Variants in PDK1 observed in about 807,000 individuals in gnomAD.
PDK1 encodes [Pyruvate dehydrogenase (acetyl-transferring)] kinase isozyme 1, mitochondrial.
Under a neutral mutation model 54.2 loss-of-function variants are expected in PDK1, and 39 were observed. The observed-to-expected ratio is 0.72, with a 90% confidence interval of 0.56 to 0.94. The LOEUF is 0.94. Among genes scored for constraint, PDK1 ranks in the 40% least tolerant of loss-of-function variants. The pLI, the probability that PDK1 is intolerant of heterozygous loss-of-function variation, is 0.00. For missense variants in PDK1, 552 were observed against 566.0 expected (o/e 0.98, Z 0.25); for synonymous variants, 221 against 207.1 (o/e 1.07, Z -0.58).
the PDK1 span, among the ~76,000 whole-genome samples, chr2:172,695,318 G>A: frequency 2.0e-5 from 3 of 152,138 alleles, no homozygotes; most frequent in Admixed American, 6.5e-5. Flanking sequence ...GGAAGAGAGC[G>A]AGACAGAAGA....
chr2:172,638,788 A>G, the PDK1 span, among the ~76,000 whole-genome samples: 1 of 152,214 alleles, frequency 6.6e-6, no homozygotes, highest in East Asian at 1.9e-4. Flanking sequence ...AGGATTGTAA[A>G]TGCACCAATC....
At chr2:172,582,952 A>T (rs1384965446) in intron 8 of PDK1, among the ~76,000 whole-genome samples, 1 of 152,128 alleles carries the variant, frequency 6.6e-6, no homozygotes, top group African/African-American at 2.4e-5. Context: ...GCTGGAAATG[A>T]CTTCTTATTT....
chr2:172,695,891 G>A, the PDK1 span, among the ~76,000 whole-genome samples: 1 of 152,130 alleles, frequency 6.6e-6, no homozygotes, highest in Admixed American at 6.5e-5. Context: ...GCTTAGAAGA[G>A]GCTGGGTGTG....
chr2:172,558,369 G>C (rs1688466346), intron 1 of PDK1: 1 of 190,274 alleles, frequency 5.3e-6, no homozygotes, highest in African/African-American at 2.3e-5. Flanking sequence ...AGGTTCTGCT[G>C]TTAATTTTAT....
At chr2:172,584,645 CT>C (rs35773197) in intron 8 of PDK1, among the ~76,000 whole-genome samples, 13,811 of 90,322 alleles carry the variant, frequency 0.15, 938 homozygotes, top group African/African-American at 0.25. Flanking sequence ...AAGGTACATG[CT>C]TTTTTTTTTT....
chr2:172,633,410 A>G, the PDK1 span, among the ~76,000 whole-genome samples: 18 of 66,660 alleles, frequency 2.7e-4, no homozygotes, highest in African/African-American at 1.0e-3. Context: ...TTTTTGGTCC[A>G]TTTTCTTGAC....
At chr2:172,710,624 G>A in the PDK1 span, among the ~76,000 whole-genome samples, 1 of 152,200 alleles carries the variant, frequency 6.6e-6, no homozygotes, top group Admixed American at 6.5e-5. Flanking sequence ...ACTGGGCAAA[G>A]CAAGGACTGG....
intron 9 of PDK1, among the ~76,000 whole-genome samples, chr2:172,589,637 G>A (rs761247563): frequency 5.3e-5 from 8 of 152,160 alleles, no homozygotes; most frequent in Admixed American, 2.6e-4. Context: ...TGATTTGTAC[G>A]GGCAAACAGA....
the PDK1 span, among the ~76,000 whole-genome samples, chr2:172,703,766 CTTTTTT>C: frequency 2.1e-4 from 19 of 89,116 alleles, no homozygotes; most frequent in South Asian, 9.6e-4. Context: ...TTCTTTCTTT[CTTTTTT>C]TTTTTTTTTT....
At chr2:172,696,780 A>G in the PDK1 span, among the ~76,000 whole-genome samples, 2 of 152,148 alleles carry the variant, frequency 1.3e-5, no homozygotes, top group African/African-American at 2.4e-5. Flanking sequence ...AAGGAATCCT[A>G]TGAAGTTTCT....
chr2:172,648,008 G>A, the PDK1 span, among the ~76,000 whole-genome samples: 2 of 152,110 alleles, frequency 1.3e-5, no homozygotes, highest in Non-Finnish European at 2.9e-5. Flanking sequence ...CTAAATTGAG[G>A]TACTGAACAG....
the PDK1 span, among the ~76,000 whole-genome samples, chr2:172,655,220 A>G: frequency 5.3e-5 from 8 of 152,212 alleles, no homozygotes; most frequent in Admixed American, 1.3e-4. Flanking sequence ...GATGAGGCCC[A>G]TGGGCTCTGC....
upstream of PDK1, chr2:172,555,870 CG>C: frequency 3.3e-6 from 1 of 305,718 alleles, no homozygotes; most frequent in Non-Finnish European, 6.0e-6. Flanking sequence ...GCGGCGGCTG[CG>C]GCCTGGCGCG....
chr2:172,595,020 T>C (rs1360390556), intron 10 of PDK1, among the ~76,000 whole-genome samples: 3 of 152,170 alleles, frequency 2.0e-5, no homozygotes, highest in Non-Finnish European at 4.4e-5. Flanking sequence ...AAAGCTAAGA[T>C]GCCTTAGACA....
the PDK1 span, among the ~76,000 whole-genome samples, chr2:172,638,568 G>C: frequency 6.6e-6 from 1 of 152,170 alleles, no homozygotes; most frequent in Admixed American, 6.5e-5. Context: ...ATAAAACTAG[G>C]AAATATCTAT....
the PDK1 span, among the ~76,000 whole-genome samples, chr2:172,690,927 A>T: frequency 2.7e-5 from 4 of 150,096 alleles, no homozygotes; most frequent in African/African-American, 4.8e-5. Flanking sequence ...GCAAACCAAG[A>T]TGGCACATGT....
chr2:172,563,086 A>T (rs1450155078), intron 3 of PDK1, among the ~76,000 whole-genome samples: 1 of 152,218 alleles, frequency 6.6e-6, no homozygotes, highest in African/African-American at 2.4e-5. Context: ...CTTTAAAACA[A>T]TTCATTGAAA....
chr2:172,622,221 T>C, the PDK1 span, among the ~76,000 whole-genome samples: 6 of 146,402 alleles, frequency 4.1e-5, no homozygotes, highest in Admixed American at 4.1e-4. Flanking sequence ...GAGATATGTT[T>C]ATATCTCATA....
chr2:172,562,382 C>G (rs1194058272), intron 3 of PDK1, 91 bp downstream of exon 3: 1 of 801,538 alleles, frequency 1.2e-6, no homozygotes, highest in Non-Finnish European at 2.2e-6. Flanking sequence ...TACTTTAGAA[C>G]ATGTGATATA....
Sources: allele counts gnomAD v4.1 joint callset (sites outside exome capture counted in the v4.1 genomes callset), GRCh38; gene constraint gnomAD v4.1.1; transcripts MANE v1.5; gene names NCBI Gene and HGNC (gene_info 2026-07-23, HGNC 2026-07-21).